The following OR2L2 variants were observed in gnomAD, a reference collection of about 807,000 sequenced individuals.
OR2L2 encodes the protein olfactory receptor 2L2.
For synonymous variants in OR2L2, 156 were observed against 135.4 expected (o/e 1.15, Z -1.06); for missense variants, 378 against 375.2 (o/e 1.01, Z -0.06).
Position 248,039,565 on chromosome 1 carries a change from T to G in OR2L2, c.*359T>G, listed in dbSNP as rs1382209053. ...CTCCTAAGTTAGCTGCGATTACAGG[T>G]GTGAGCCACCATGCCCTGCCTGTTT... On this transcript the variant is annotated 3_prime_UTR_variant, in exon 3 of 3. Coordinates refer to ENST00000641771, the MANE Select transcript of OR2L2 (RefSeq NM_001385855.1). 1 of 167,352 alleles carries G rather than the reference T, an allele frequency of 6.0e-6. No individual in the cohort carries two copies. The highest frequency in any genetic ancestry group is 1.3e-5 in the Non-Finnish European group (1 of 77,208). The allele number at this position is 167,352 out of a possible 1,614,324, so 10.4% of individuals were successfully genotyped here.
In OR2L2 at chr1:248,032,509, C is replaced by T. The variant is rs1662645283; in HGVS notation, c.-97+2274C>T. Reference sequence around the variant, plus strand: ...TTTTGTTCTCTACACAATTATTCTCCTTGACTCCCTTCCCCCATCCCCAGG... The same window carrying T: ...TTTTGTTCTCTACACAATTATTCTCTTTGACTCCCTTCCCCCATCCCCAGG... On this transcript the variant is annotated intron_variant, in intron 1 of 2. Coordinates refer to ENST00000641771, the MANE Select transcript of OR2L2 (RefSeq NM_001385855.1). Among the ~76,000 whole-genome samples the T allele has an allele frequency of 2.6e-5, 4 of 152,082 alleles. No individual in the cohort carries two copies. The South Asian group carries it at 8.3e-4, about 32-fold the overall frequency.
Position 248,041,855 on chromosome 1 carries a change from AAAC to A in OR2L2, c.*2654_*2656del, listed in dbSNP as rs1662959695. The A allele has an allele frequency of 6.6e-6, 1 of 152,200 alleles. No individual in the cohort carries two copies. Among genetic ancestry groups the A allele is most frequent in the South Asian group, 2.1e-4 (1 of 4,832 alleles). The allele number at this position is 152,200 out of a possible 1,614,324, so 9.4% of individuals were successfully genotyped here. A position where few individuals can be genotyped will look rare whatever the true frequency, so the allele number is the denominator to read the frequency against. ...GAATGGCAATCATTAAAACGTCAGG[AAAC>A]AACAGGTGCTGGAGAGGATGTGGAG... is the stretch of plus-strand genomic sequence containing the variant. On this transcript the variant is annotated 3_prime_UTR_variant, in exon 3 of 3. Transcript: ENST00000641771.
Position 248,040,614 on chromosome 1 carries a change from A to G in OR2L2, c.*1408A>G, listed in dbSNP as rs1441698719. ...GTAAACATATTTTCTCTTTCTGATG[A>G]TTTTCTCAATAAGATATTCTTTTTT... On this transcript the variant is annotated 3_prime_UTR_variant, in exon 3 of 3. Coordinates refer to ENST00000641771, the MANE Select transcript of OR2L2 (RefSeq NM_001385855.1). The G allele has an allele frequency of 1.3e-5, 2 of 152,158 alleles. No individual in the cohort carries two copies. The highest frequency in any genetic ancestry group is 4.8e-5 in the African/African-American group (2 of 41,414). 9.4% of individuals were successfully genotyped at this position (152,158 alleles called of 1,614,324 possible).
At position 248,038,456 on chromosome 1, in the gene OR2L2, TC is replaced by T; in HGVS notation, c.190del (p.Gln64SerfsTer7). The T allele has an allele frequency of 6.2e-7, 1 of 1,613,878 alleles. No homozygotes were observed. The highest frequency in any genetic ancestry group is 8.5e-7 in the Non-Finnish European group (1 of 1,179,784). On this transcript the variant is annotated frameshift_variant, in exon 3 of 3. Transcript: ENST00000641771. LOFTEE classifies it low-confidence loss of function (END_TRUNC). ...ACACACCTATGTATTTCCTACTTAG[TC>T]AGCTCTCCCTCATTGACCTAAATTA... is the stretch of plus-strand genomic sequence containing the variant. ...LHTPMYFLLS[Q>X]LSLIDLNYIS...
rs937605019 is a variant in OR2L2, at chr1:248,040,507, C to G, written c.*1301C>G. 1.3e-5 allele frequency: 2 copies of G among 152,344 alleles called. No homozygotes were observed. The highest frequency in any genetic ancestry group is 2.4e-5 in the African/African-American group (1 of 41,476). 9.4% of individuals were successfully genotyped at this position (152,344 alleles called of 1,614,324 possible). A position where few individuals can be genotyped will look rare whatever the true frequency, so the allele number is the denominator to read the frequency against. ...GAGACAACAAGTACAACCTCTCCTC[C>G]TCTTCCTCCGCCTCAGCCCACTCAA... On this transcript the variant is annotated 3_prime_UTR_variant, in exon 3 of 3. Transcript: ENST00000641771.
rs527781441 is a variant in OR2L2 at position 248,040,939 on chromosome 1, A to C, written c.*1733A>C. On this transcript the variant is annotated 3_prime_UTR_variant, in exon 3 of 3. Transcript: ENST00000641771. ...ATACTCATTTCAATTAAGCATTTAG[A>C]GTTTACTAGAGTACTGAATAATTTA... 2.6e-5 allele frequency: 4 copies of C among 152,340 alleles called. No individual in the cohort carries two copies. In the South Asian group the frequency reaches 8.3e-4, roughly 32 times the overall value. 9.4% of individuals were successfully genotyped at this position (152,340 alleles called of 1,614,324 possible).
At position 248,038,739 on chromosome 1, in the gene OR2L2, C is replaced by T; in HGVS notation, c.472C>T (p.His158Tyr). The change falls in exon 3 of 3, where the codon CAC (histidine) becomes TAC (tyrosine). Residue 158 changes from histidine to tyrosine, a missense_variant. Physicochemically the swap from His to Tyr is moderately conservative, Grantham distance 83. Transcript: ENST00000641771. ...WMISSINSCA[H>Y]TVYALCIPYC... ...GATAAGCTCTATCAACTCTTGTGCT[C>T]ACACAGTATATGCACTCTGTATCCC... The T allele has an allele frequency of 6.2e-7, 1 of 1,614,076 alleles. No individual in the cohort carries two copies. The highest frequency in any genetic ancestry group is 8.5e-7 in the Non-Finnish European group (1 of 1,179,960).
chr1:248,039,056 C>T lies in OR2L2; in HGVS notation c.789C>T (p.Ser263=), dbSNP rs773843098. ...PFAYTYVRPR[S]LRSPTEDKIL... is the part of the protein sequence containing the mutation. ...CTTATACCTATGTACGTCCAAGATC[C>T]CTGCGATCTCCAACAGAGGACAAGA... Residue 263 remains serine, a synonymous_variant, in exon 3 of 3, where the codon TCC becomes TCT. Coordinates refer to ENST00000641771, the MANE Select transcript of OR2L2 (RefSeq NM_001385855.1). 1 of 1,614,042 alleles carries T rather than the reference C, an allele frequency of 6.2e-7. No individual in the cohort carries two copies. Among genetic ancestry groups the T allele is most frequent in the East Asian group, 2.2e-5 (1 of 44,868 alleles).
intron 1 of OR2L2, among the ~76,000 whole-genome samples, chr1:248,031,173 T>C (rs192841253): frequency 6.6e-6 from 1 of 152,280 alleles, no homozygotes; most frequent in East Asian, 1.9e-4. Flanking sequence ...ATAATAAATA[T>C]CCTCTTTGCA....
chr1:248,038,423 C>A lies in OR2L2; in HGVS notation c.156C>A (p.Ile52=). ...TGATTCTTCTCATCTTTTTGGACAT[C>A]CATCTCCACACACCTATGTATTTCC... The part of the protein sequence containing the change: ...LSMILLIFLD[I]HLHTPMYFLL... The change falls in exon 3 of 3, where the codon ATC becomes ATA. Residue 52 remains isoleucine (I), a synonymous_variant. Coordinates refer to ENST00000641771, the MANE Select transcript of OR2L2 (RefSeq NM_001385855.1). The A allele has an allele frequency of 6.2e-7, 1 of 1,613,734 alleles. No individual in the cohort carries two copies.
At position 248,041,699 on chromosome 1, in the gene OR2L2, G is replaced by A. The variant is rs979003386; in HGVS notation, c.*2493G>A. The A allele has an allele frequency of 2.0e-5, 3 of 152,104 alleles. No individual in the cohort carries two copies. The highest frequency in any genetic ancestry group is 1.5e-5 in the Non-Finnish European group (1 of 68,018). The allele number at this position is 152,104 out of a possible 1,614,324, so 9.4% of individuals were successfully genotyped here. On this transcript the variant is annotated 3_prime_UTR_variant, in exon 3 of 3. Transcript: ENST00000641771. ...ACAACCCCATCAAAAAGTGGGTGAA[G>A]GACATGAACAGACACTTCTCAAAAG...
chr1:248,037,755 G>T (rs149841784), intron 2 of OR2L2, among the ~76,000 whole-genome samples: 2 of 152,070 alleles, frequency 1.3e-5, no homozygotes, highest in Non-Finnish European at 2.9e-5. Flanking sequence ...TTTGCTTTCC[G>T]TGGTTTCTCC....
rs1307389900 is a variant in OR2L2, at chr1:248,041,235, C to A, written c.*2029C>A. ...CTACAACTATCTGATCTTTGACAAA[C>A]CTGAGAAAAACAAGCAATGGGGAAA... On this transcript the variant is annotated 3_prime_UTR_variant, in exon 3 of 3. Coordinates refer to ENST00000641771, the MANE Select transcript of OR2L2 (RefSeq NM_001385855.1). 3 of 152,024 alleles carry A rather than the reference C, an allele frequency of 2.0e-5. No individual in the cohort carries two copies. Among genetic ancestry groups the A allele is most frequent in the Non-Finnish European group, 4.4e-5 (3 of 67,994 alleles). 9.4% of individuals were successfully genotyped at this position (152,024 alleles called of 1,614,324 possible).
chr1:248,037,415 C>T (rs918578888), intron 2 of OR2L2, among the ~76,000 whole-genome samples: 2 of 152,104 alleles, frequency 1.3e-5, no homozygotes, highest in African/African-American at 4.8e-5. Flanking sequence ...ATTTAATTTA[C>T]CTTCCCATGC....
intron 1 of OR2L2, among the ~76,000 whole-genome samples, chr1:248,031,129 A>C (rs767962324): frequency 2.6e-5 from 4 of 152,212 alleles, no homozygotes; most frequent in Non-Finnish European, 5.9e-5. Flanking sequence ...TACATAAGAA[A>C]AAAATGTCCT....
chr1:248,031,619 C>G (rs919210484), intron 1 of OR2L2, among the ~76,000 whole-genome samples: 1 of 152,180 alleles, frequency 6.6e-6, no homozygotes, highest in Non-Finnish European at 1.5e-5. Flanking sequence ...CAGAGCTGGG[C>G]TGTAAATTGA....
Position 248,039,358 on chromosome 1 carries a change from A to G in OR2L2, c.*152A>G. ...TTAATTTAGTCTTGACAATATTATA[A>G]TACATATTAATACATATTCTAAGAC... is the stretch of plus-strand genomic sequence containing the variant. On this transcript the variant is annotated 3_prime_UTR_variant, in exon 3 of 3. Transcript: ENST00000641771. 2.1e-6 allele frequency: 1 copy of G among 480,212 alleles called. No homozygotes were observed. The highest frequency in any genetic ancestry group is 3.5e-6 in the Non-Finnish European group (1 of 284,238). The allele number at this position is 480,212 out of a possible 1,614,324, so 29.7% of individuals were successfully genotyped here.
intron 1 of OR2L2, among the ~76,000 whole-genome samples, chr1:248,033,563 A>G (rs1318215724): frequency 6.6e-6 from 1 of 150,806 alleles, no homozygotes; most frequent in African/African-American, 2.4e-5. Context: ...CAAGCCCCCA[A>G]GTAGATGGGA....
intron 1 of OR2L2, among the ~76,000 whole-genome samples, chr1:248,035,189 G>C (rs1213484724): frequency 6.6e-6 from 1 of 151,880 alleles, no homozygotes; most frequent in East Asian, 1.9e-4. Flanking sequence ...GGTGGCTCAT[G>C]CCTGTAATCC....
Sources: allele counts gnomAD v4.1 joint callset (sites outside exome capture counted in the v4.1 genomes callset), GRCh38; gene constraint gnomAD v4.1.1; transcripts MANE v1.5; gene names NCBI Gene and HGNC (gene_info 2026-07-23, HGNC 2026-07-21).